The following MED26 variants were observed in gnomAD, a reference collection of about 807,000 sequenced individuals.
MED26 encodes the protein mediator complex subunit 26, also known as mediator of RNA polymerase II transcription subunit 26.
In MED26, 7 loss-of-function variants were observed where a neutral mutation model predicts 43.7. The observed-to-expected ratio is 0.16, with a 90% CI of 0.09 to 0.30. The LOEUF is 0.30. MED26 is among the 10% of genes least tolerant of loss of function. MED26 has a pLI of 1.00. For synonymous variants in MED26, 375 were observed against 371.1 expected, an observed-to-expected ratio of 1.01 and a Z score of -0.12; for missense variants, 784 against 840.6, an observed-to-expected ratio of 0.93 and a Z score of 0.83.
chr19:16,618,137 G>C (rs1215817976), intron 1 of MED26, among the ~76,000 whole-genome samples: 2 of 152,148 alleles, frequency 1.3e-5, no homozygotes, highest in African/African-American at 4.8e-5. Context: ...AAACAGGCAG[G>C]ACAATCAGAC....
chr19:16,619,891 T>TG (rs1050543984), intron 1 of MED26, among the ~76,000 whole-genome samples: 2 of 152,014 alleles, frequency 1.3e-5, no homozygotes, highest in African/African-American at 4.8e-5. Flanking sequence ...AATGAAAATC[T>TG]GGGGGGATGT....
intron 1 of MED26, among the ~76,000 whole-genome samples, chr19:16,613,281 TCTAGTTGATTGTTAAAC>T (rs538155626): frequency 8.1e-4 from 124 of 152,334 alleles, no homozygotes; most frequent in Non-Finnish European, 1.9e-4. Flanking sequence ...TTAGAGGATT[TCTAGTTGATTGTTAAAC>T]CTATTCATCA....
At chr19:16,625,589 C>T (rs976214845) in intron 1 of MED26, among the ~76,000 whole-genome samples, 2 of 150,776 alleles carry the variant, frequency 1.3e-5, no homozygotes, top group African/African-American at 4.9e-5. Context: ...AACTAAATAT[C>T]CAGTAGTGGA....
rs868363644 is a variant in MED26, at chr19:16,610,080, A to C, written c.72+17792T>G. On this transcript the variant is annotated intron_variant, in intron 1 of 2. Transcript: ENST00000263390. ...AGTTCAAGACCAGCCTGGGCAACAC[A>C]GCGAGACCGTCTCTATAAAAAATAC... is the stretch of plus-strand genomic sequence containing the variant. Among the ~76,000 whole-genome samples the C allele has an allele frequency of 2.0e-5, 3 of 151,568 alleles. No homozygotes were observed. In the South Asian group the frequency reaches 6.2e-4, roughly 31 times the overall value.
chr19:16,627,545 G>T (rs899396206), intron 1 of MED26, among the ~76,000 whole-genome samples: 1 of 152,246 alleles, frequency 6.6e-6, no homozygotes, highest in Non-Finnish European at 1.5e-5. Context: ...GTCCCGGAGG[G>T]AGGGCGAGGC....
At chr19:16,582,126 A>G (rs73514985) in intron 1 of MED26, among the ~76,000 whole-genome samples, 196 of 152,374 alleles carry the variant, frequency 1.3e-3, no homozygotes, top group African/African-American at 4.6e-3. Context: ...GTTGTGTAAG[A>G]CACAGAGAGA....
intron 1 of MED26, among the ~76,000 whole-genome samples, chr19:16,594,115 C>A (rs761323845): frequency 8.5e-5 from 13 of 152,348 alleles, no homozygotes; most frequent in Non-Finnish European, 1.3e-4. Context: ...CTGTGGTTAA[C>A]TCAGTGACAG....
At chr19:16,623,272 C>CT (rs2086259527) in intron 1 of MED26, among the ~76,000 whole-genome samples, 1 of 152,192 alleles carries the variant, frequency 6.6e-6, no homozygotes, top group Admixed American at 6.5e-5. Context: ...CTCCTGTGTC[C>CT]TGGCCACAAT....
At chr19:16,622,609 G>A (rs1208733778) in intron 1 of MED26, among the ~76,000 whole-genome samples, 1 of 152,204 alleles carries the variant, frequency 6.6e-6, no homozygotes, top group African/African-American at 2.4e-5. Flanking sequence ...ATGGGTGCTA[G>A]CGAGACCACA....
chr19:16,617,869 A>G (rs1165806452), intron 1 of MED26, among the ~76,000 whole-genome samples: 3 of 152,216 alleles, frequency 2.0e-5, no homozygotes, highest in South Asian at 2.1e-4. Context: ...CCCATTCACA[A>G]AACTTTCCCT....
chr19:16,577,505 G>A lies in MED26; in HGVS notation c.325C>T (p.His109Tyr), dbSNP rs756350916. 1.3e-6 allele frequency: 2 copies of A among 1,596,960 alleles called. No homozygotes were observed. Among genetic ancestry groups the A allele is most frequent in the South Asian group, 1.1e-5 (1 of 90,510 alleles). ...GCCCCCACCTCCGGCCGGCAGTTGT[G>A]TGCGCCCCCGTTGGCAGAGCCGGTG... Reference protein sequence around the residue: ...GATGSANGGAHNCRPEVGAAG... With the variant: ...GATGSANGGAYNCRPEVGAAG... Residue 109 changes from histidine (H) to tyrosine (Y), a missense_variant, in exon 3 of 3, where the codon CAC becomes TAC. Physicochemically the swap from His to Tyr is moderately conservative, Grantham distance 83. This residue lies in a region of MED26 where 719 missense variants were observed against 730.9 expected (regional missense o/e 0.98). Coordinates refer to ENST00000263390, the MANE Select transcript of MED26 (RefSeq NM_004831.5). The surrounding 1 kb of genome is among the most constrained non-coding windows in gnomAD (Gnocchi z 8.1).
chr19:16,625,074 C>G (rs2086268119), intron 1 of MED26, among the ~76,000 whole-genome samples: 1 of 152,188 alleles, frequency 6.6e-6, no homozygotes, highest in African/African-American at 2.4e-5. Context: ...TAAGCTGGAA[C>G]AATCATGCAC....
At chr19:16,602,154 C>T (rs1222455742) in intron 1 of MED26, among the ~76,000 whole-genome samples, 2 of 152,342 alleles carry the variant, frequency 1.3e-5, no homozygotes, top group South Asian at 4.1e-4. Context: ...GTTCTGAGCA[C>T]AGACTTTTGG....
chr19:16,596,272 G>A (rs2086119618), intron 1 of MED26, among the ~76,000 whole-genome samples: 1 of 152,176 alleles, frequency 6.6e-6, no homozygotes, highest in Admixed American at 6.5e-5. Flanking sequence ...CCCTGCCAAG[G>A]GTCCCAGAAA....
At chr19:16,618,312 T>C (rs917404025) in intron 1 of MED26, among the ~76,000 whole-genome samples, 1 of 152,108 alleles carries the variant, frequency 6.6e-6, no homozygotes, top group African/African-American at 2.4e-5. Context: ...ATGAGCTCCA[T>C]TCCAGGCAGT....
intron 1 of MED26, among the ~76,000 whole-genome samples, chr19:16,613,393 A>G (rs764152928): frequency 3.9e-5 from 6 of 152,158 alleles, no homozygotes; most frequent in Non-Finnish European, 8.8e-5. Context: ...AAGGCTCTAG[A>G]GATGTCAGAG....
Position 16,576,114 on chromosome 19 carries a change from G to A in MED26, c.1716C>T (p.Asn572=), listed in dbSNP as rs1398098208. 1 of 1,614,018 alleles carries A rather than the reference G, an allele frequency of 6.2e-7. No individual in the cohort carries two copies. Among genetic ancestry groups the A allele is most frequent in the South Asian group, 1.1e-5 (1 of 91,090 alleles). ...ATATGCACTGCGTCCAGTCATACCA[G>A]TTACCCTGTGTGTCCTGACACCCGT... ...GVNGCQDTQG[N]WYDWTQCISL... The change falls in exon 3 of 3, where the codon AAC becomes AAT. Residue 572 remains asparagine, a synonymous_variant. Coordinates refer to ENST00000263390, the MANE Select transcript of MED26 (RefSeq NM_004831.5). The surrounding 1 kb of genome is among the most constrained non-coding windows in gnomAD (Gnocchi z 6.8).
At chr19:16,609,294 A>C (rs550315296) in intron 1 of MED26, among the ~76,000 whole-genome samples, 146 of 140,798 alleles carry the variant, frequency 1.0e-3, no homozygotes, top group African/African-American at 3.0e-3. Flanking sequence ...TCTGGGTGAC[A>C]GAGCGAGACT....
chr19:16,586,117 G>C lies in MED26; in HGVS notation c.73-7708C>G, dbSNP rs2086069624. 6.6e-6 allele frequency among the ~76,000 whole-genome samples: 1 copy of C among 152,244 alleles called. No homozygotes were observed. The highest frequency in any genetic ancestry group is 2.4e-5 in the African/African-American group (1 of 41,476). On this transcript the variant is annotated intron_variant, in intron 1 of 2. Transcript: ENST00000263390. This position sits in a 1 kb window ranked among gnomAD's most constrained non-coding sequence, Gnocchi z 5.1. ...TTGGGAATGCAGCTGTGGTAGCAAAGGGGAAACCCTGTGCTGCCCAAGGTC... is the reference window on the plus strand; with the variant it reads ...TTGGGAATGCAGCTGTGGTAGCAAACGGGAAACCCTGTGCTGCCCAAGGTC...
Sources: allele counts gnomAD v4.1 joint callset (sites outside exome capture counted in the v4.1 genomes callset), GRCh38; gene constraint gnomAD v4.1.1; regional missense constraint gnomAD v4.1.1; non-coding constraint Gnocchi (gnomAD v3.1); transcripts MANE v1.5; gene names NCBI Gene and HGNC (gene_info 2026-07-23, HGNC 2026-07-21).